The following LARP1B variants were observed in gnomAD, a reference collection of about 807,000 sequenced individuals.
The protein encoded by LARP1B is la-related protein 1B.
LARP1B carries 76 observed loss-of-function variants against 114.2 expected under a neutral mutation model. The ratio of observed to expected loss-of-function variants is 0.67; its 90% confidence interval spans 0.55 to 0.81. The LOEUF (loss-of-function observed/expected upper bound fraction) is 0.81, where lower values mean the gene tolerates loss of function less well. Among genes scored for constraint, LARP1B ranks in the 30% least tolerant of loss-of-function variants. The pLI is 0.00. For synonymous variants in LARP1B, 345 were observed against 348.0 expected (o/e 0.99, Z 0.10); for missense variants, 1,014 against 1,075.8 (o/e 0.94, Z 0.80).
In LARP1B at chr4:128,199,576, A is replaced by C. The variant is rs750162387; in HGVS notation, c.2141A>C (p.Lys714Thr). 1.3e-6 allele frequency: 2 copies of C among 1,573,224 alleles called. No individual in the cohort carries two copies. ...GGCTTTACCCAACAAGTGTACCACA[A>C]GTATCGTCGAAGATGCCTAAGTGGT... ...ENGFTQQVYH[K>T]YRRRCLSERK... Residue 714 changes from lysine to threonine, a missense_variant, in exon 16 of 20, where the codon AAG becomes ACG. By Grantham distance (78) the Lys-to-Thr change is moderately conservative (BLOSUM62 -1). Coordinates refer to ENST00000326639, the MANE Select transcript of LARP1B (RefSeq NM_018078.4).
intron 11 of LARP1B, among the ~76,000 whole-genome samples, chr4:128,124,962 A>G (rs76181688): frequency 0.02 from 3,009 of 152,254 alleles, 42 homozygotes; most frequent in Middle Eastern, 0.065. Context: ...TGACCTCTGC[A>G]AAAAGAGTTT....
chr4:128,112,765 C>T (rs1477838575), intron 9 of LARP1B, among the ~76,000 whole-genome samples: 2 of 152,212 alleles, frequency 1.3e-5, no homozygotes, highest in Non-Finnish European at 2.9e-5. Context: ...TGAGCCACCA[C>T]GCCCAGCTGT....
chr4:128,129,089 C>T (rs576352435), intron 11 of LARP1B, among the ~76,000 whole-genome samples: 4 of 142,102 alleles, frequency 2.8e-5, no homozygotes, highest in Non-Finnish European at 6.0e-5. Flanking sequence ...GGCGTGAACC[C>T]GGGAGGCGGA....
At chr4:128,108,433 G>A (rs1284439546) in intron 9 of LARP1B, 1 of 985,760 alleles carries the variant, frequency 1.0e-6, no homozygotes, top group African/African-American at 1.7e-5. Flanking sequence ...TAAGGGGTAA[G>A]GAATTTAAGA....
chr4:128,061,372 T>G lies in LARP1B; in HGVS notation c.-107T>G, dbSNP rs1760031090. ...CGGGTAAAGCTCCTCGGCCTCGGCG[T>G]GCTGCGCCTCCGCGGCTGCCCTGCG... On this transcript the variant is annotated 5_prime_UTR_variant, in exon 1 of 20. Coordinates refer to ENST00000326639, the MANE Select transcript of LARP1B (RefSeq NM_018078.4). 1 of 152,238 alleles carries G rather than the reference T, an allele frequency of 6.6e-6. No individual in the cohort carries two copies. The highest frequency in any genetic ancestry group is 2.4e-5 in the African/African-American group (1 of 41,402). 9.4% of individuals were successfully genotyped at this position (152,238 alleles called of 1,614,324 possible).
At chr4:128,174,675 A>G (rs1378309296) in intron 12 of LARP1B, among the ~76,000 whole-genome samples, 1 of 152,112 alleles carries the variant, frequency 6.6e-6, no homozygotes, top group Non-Finnish European at 1.5e-5. Context: ...CCTAATTTCA[A>G]CAATTGTTAA....
rs1174266918 is a variant in LARP1B at position 128,112,466 on chromosome 4, ATTTTTTT to A, written c.989-2085_989-2079del. On this transcript the variant is annotated intron_variant, in intron 9 of 19. Transcript: ENST00000326639. ...ACTGCATATAGCTAATGCTTACTCTATTTTTTTTTTTTTTTTTTTTTTTTTGAGATGG... is the reference window on the plus strand; with the variant it reads ...ACTGCATATAGCTAATGCTTACTCTATTTTTTTTTTTTTTTTTTGAGATGG... Among the ~76,000 whole-genome samples the A allele has an allele frequency of 3.4e-3, 236 of 69,316 alleles. 1 individual carries two copies. The highest frequency in any genetic ancestry group is 0.013 in the African/African-American group (209 of 16,516). The allele number at this position is 69,316 out of a possible 152,430, so 45.5% of individuals were successfully genotyped here.
chr4:128,141,504 C>T (rs557733961), intron 11 of LARP1B, among the ~76,000 whole-genome samples: 1 of 152,286 alleles, frequency 6.6e-6, no homozygotes, highest in South Asian at 2.1e-4. Context: ...AAATTTGAAA[C>T]TTATGAATCA....
intron 15 of LARP1B, among the ~76,000 whole-genome samples, chr4:128,191,111 ATT>A (rs369784737): frequency 6.7e-6 from 1 of 149,338 alleles, no homozygotes; most frequent in Admixed American, 6.6e-5. Context: ...GAGTTCCAGG[ATT>A]TTTTTTTTTA....
chr4:128,066,877 A>AC (rs1763154493), intron 1 of LARP1B, among the ~76,000 whole-genome samples: 1 of 147,968 alleles, frequency 6.8e-6, no homozygotes, highest in Non-Finnish European at 1.5e-5. Flanking sequence ...GCTCACTGCA[A>AC]CCCCCCACCT....
intron 11 of LARP1B, among the ~76,000 whole-genome samples, chr4:128,139,537 G>T (rs546318245): frequency 2.0e-5 from 3 of 150,420 alleles, no homozygotes; most frequent in South Asian, 4.2e-4. Context: ...TAGAAGAAAA[G>T]AATCCATAAA....
chr4:128,115,796 C>G (rs1204536939), intron 10 of LARP1B, among the ~76,000 whole-genome samples: 2 of 152,124 alleles, frequency 1.3e-5, no homozygotes, highest in Non-Finnish European at 2.9e-5. Flanking sequence ...ACTGGGATTA[C>G]AGGGTCACTC....
intron 12 of LARP1B, among the ~76,000 whole-genome samples, chr4:128,164,339 T>A (rs1029823006): frequency 2.6e-5 from 4 of 152,114 alleles, no homozygotes; most frequent in African/African-American, 9.7e-5. Flanking sequence ...ATTGCTGGAT[T>A]TTTTGCCTTG....
At chr4:128,132,819 T>C (rs1235954593) in intron 11 of LARP1B, among the ~76,000 whole-genome samples, 1 of 152,122 alleles carries the variant, frequency 6.6e-6, no homozygotes, top group Non-Finnish European at 1.5e-5. Flanking sequence ...ATTTCTGTTA[T>C]TCATTATAAT....
At chr4:128,201,025 T>G (rs1755774927) in intron 17 of LARP1B, among the ~76,000 whole-genome samples, 1 of 152,240 alleles carries the variant, frequency 6.6e-6, no homozygotes, top group African/African-American at 2.4e-5. Flanking sequence ...TCTGAAGACT[T>G]GGCCTGGGCT....
At chr4:128,083,777 G>A (rs1308220570) in intron 5 of LARP1B, among the ~76,000 whole-genome samples, 2 of 146,690 alleles carry the variant, frequency 1.4e-5, no homozygotes, top group East Asian at 2.1e-4. Context: ...CCTCCTGGAC[G>A]GGGCGGCTGG....
At chr4:128,067,160 C>T (rs1172858047) in intron 1 of LARP1B, among the ~76,000 whole-genome samples, 2 of 151,936 alleles carry the variant, frequency 1.3e-5, no homozygotes, top group African/African-American at 4.8e-5. Context: ...GAAATAGGAC[C>T]AGAAGTTGTT....
At chr4:128,157,132 A>G (rs1219683750) in intron 11 of LARP1B, among the ~76,000 whole-genome samples, 3 of 152,134 alleles carry the variant, frequency 2.0e-5, no homozygotes, top group Non-Finnish European at 4.4e-5. Flanking sequence ...TTTGTTTTTA[A>G]TAAGTTAAAA....
In LARP1B at chr4:128,158,875, A is replaced by T. The variant is rs566244321; in HGVS notation, c.1525-3319A>T. ...ATATAACTATATATACATCTTATGT[A>T]ACTATAGCACAATGCTGGGCAAGGT... On this transcript the variant is annotated intron_variant, in intron 11 of 19. Transcript: ENST00000326639. Among the ~76,000 whole-genome samples, 15 of 152,236 alleles carry T rather than the reference A, an allele frequency of 9.9e-5. No individual in the cohort carries two copies. In the South Asian group the frequency reaches 3.1e-3, roughly 32 times the overall value.
Sources: gnomAD v4.1 joint callset for allele counts (sites outside exome capture counted in the v4.1 genomes callset) on GRCh38, gnomAD v4.1.1 for gene constraint, MANE v1.5 for transcripts, NCBI Gene and HGNC (gene_info 2026-07-23, HGNC 2026-07-21) for gene names.